Variants in PTPRD observed in about 807,000 individuals in gnomAD.
PTPRD encodes receptor-type tyrosine-protein phosphatase delta.
Under a neutral mutation model 214.5 loss-of-function variants are expected in PTPRD, and 34 were observed. That is an observed-to-expected ratio of 0.16 (90% confidence interval 0.12 to 0.21). The LOEUF is 0.21. Ranked by LOEUF, PTPRD falls within the 10% of genes least tolerant of loss-of-function variation. The pLI is 1.00. For missense variants in PTPRD, 2,545 were observed against 2,398.7 expected (o/e 1.06, Z -1.27); for synonymous variants, 1,128 against 845.7 (o/e 1.33, Z -5.79).
intron 4 of PTPRD, among the ~76,000 whole-genome samples, chr9:10,026,232 C>T (rs2096920734): frequency 1.3e-5 from 2 of 152,084 alleles, no homozygotes; most frequent in Admixed American, 1.3e-4. Flanking sequence ...CTGCCTTTGG[C>T]TAGCTGGAGG....
intron 2 of PTPRD, among the ~76,000 whole-genome samples, chr9:10,583,990 G>A (rs1015969673): frequency 1.3e-5 from 2 of 152,058 alleles, no homozygotes; most frequent in Non-Finnish European, 2.9e-5. Flanking sequence ...TAACAATTCT[G>A]AGCATTGCCA....
Position 8,842,205 on chromosome 9 carries a change from GTGAA to G in PTPRD, c.-103-108263_-103-108260del, listed in dbSNP as rs201127477. On this transcript the variant is annotated intron_variant, in intron 11 of 45. Transcript: ENST00000381196. The stretch of plus-strand genomic sequence containing the variant: ...GTAGGAGGTGACAGAAATTTATAAT[GTGAA>G]AGAAAAAGAGAAAGGCATTTGGAAA... Among the ~76,000 whole-genome samples, 466 of 152,214 alleles carry G rather than the reference GTGAA, an allele frequency of 3.1e-3. 12 individuals are homozygous for G. In the East Asian group the frequency reaches 0.073, roughly 24 times the overall value.
At chr9:10,364,265 T>C (rs1013323499) in intron 2 of PTPRD, among the ~76,000 whole-genome samples, 1 of 152,076 alleles carries the variant, frequency 6.6e-6, no homozygotes, top group Non-Finnish European at 1.5e-5. Context: ...CCTCCCAAAG[T>C]GCTGGGATTA....
At chr9:8,369,341 T>G (rs569290031) in intron 39 of PTPRD, among the ~76,000 whole-genome samples, 1 of 152,200 alleles carries the variant, frequency 6.6e-6, no homozygotes, top group South Asian at 2.1e-4. Context: ...GGCTTAGGGG[T>G]ACATGGTTAT....
intron 19 of PTPRD, 75 bp from the exon 20 acceptor site, chr9:8,521,621 C>T (rs1020176557): frequency 8.3e-5 from 124 of 1,493,596 alleles, no homozygotes; most frequent in Non-Finnish European, 1.0e-4. Context: ...ATGACATGCA[C>T]CGTACAGACA....
intron 36 of PTPRD, among the ~76,000 whole-genome samples, chr9:8,394,769 G>A (rs2135939974): frequency 6.6e-6 from 1 of 152,256 alleles, no homozygotes; most frequent in African/African-American, 2.4e-5. Context: ...GCTCTTTCAA[G>A]CTGATTCCTA....
intron 9 of PTPRD, among the ~76,000 whole-genome samples, chr9:9,204,263 G>A: frequency 6.6e-6 from 1 of 152,180 alleles, no homozygotes; most frequent in Non-Finnish European, 1.5e-5. Context: ...TGTTTCATTA[G>A]CGAATATGTC....
intron 2 of PTPRD, among the ~76,000 whole-genome samples, chr9:10,512,858 T>C (rs1438538124): frequency 6.6e-6 from 1 of 151,880 alleles, no homozygotes; most frequent in African/African-American, 2.4e-5. Flanking sequence ...ATCTTTTTAT[T>C]GCACTGGAGT....
intron 2 of PTPRD, among the ~76,000 whole-genome samples, chr9:10,374,278 T>C (rs2097686174): frequency 6.6e-6 from 1 of 152,058 alleles, no homozygotes; most frequent in Admixed American, 6.6e-5. Context: ...GAAGTTTGAA[T>C]TTGCAGGCAG....
intron 14 of PTPRD, among the ~76,000 whole-genome samples, chr9:8,616,166 C>G (rs1352777344): frequency 1.3e-5 from 2 of 152,110 alleles, no homozygotes; most frequent in Non-Finnish European, 2.9e-5. Flanking sequence ...TCCTGACTTT[C>G]TAACCACATG....
At chr9:10,550,966 C>T (rs557054881) in intron 2 of PTPRD, among the ~76,000 whole-genome samples, 13 of 152,316 alleles carry the variant, frequency 8.5e-5, no homozygotes, top group African/African-American at 3.1e-4. Context: ...ACACACATTT[C>T]TAAACTTGCC....
intron 14 of PTPRD, among the ~76,000 whole-genome samples, chr9:8,531,335 T>C (rs776482049): frequency 2.0e-5 from 3 of 152,126 alleles, no homozygotes; most frequent in Non-Finnish European, 4.4e-5. Flanking sequence ...TTAAAGGTTT[T>C]GCCAATATAT....
intron 9 of PTPRD, among the ~76,000 whole-genome samples, chr9:9,359,037 C>A (rs997432284): frequency 6.6e-6 from 1 of 151,278 alleles, no homozygotes; most frequent in African/African-American, 2.4e-5. Context: ...AATTATGAAG[C>A]AGAACAGCTA....
intron 8 of PTPRD, among the ~76,000 whole-genome samples, chr9:9,560,664 G>A (rs143108350): frequency 2.0e-5 from 3 of 152,296 alleles, no homozygotes; most frequent in South Asian, 2.1e-4. Flanking sequence ...CCTAGGGTCC[G>A]GTTCCAGCCC....
At chr9:8,337,437 C>T (rs1391761160) in intron 43 of PTPRD, among the ~76,000 whole-genome samples, 2 of 151,338 alleles carry the variant, frequency 1.3e-5, no homozygotes, top group East Asian at 1.9e-4. Context: ...ACATCACACA[C>T]TGGGGCCTGT....
intron 8 of PTPRD, among the ~76,000 whole-genome samples, chr9:9,540,251 A>C (rs1208948720): frequency 8.0e-6 from 1 of 125,670 alleles, no homozygotes; most frequent in African/African-American, 3.0e-5. Flanking sequence ...ACAGTCATTC[A>C]TTTAACACAT....
chr9:8,486,500 T>C (rs1215769706), intron 27 of PTPRD, 151 bp from the exon 28 acceptor site: 1 of 768,524 alleles, frequency 1.3e-6, no homozygotes, highest in South Asian at 1.4e-5. Context: ...CTACATACCT[T>C]TGTGGAAATA....
At chr9:8,776,398 G>T (rs1240493275) in intron 11 of PTPRD, among the ~76,000 whole-genome samples, 2 of 152,108 alleles carry the variant, frequency 1.3e-5, no homozygotes, top group African/African-American at 4.8e-5. Flanking sequence ...GATCTTCCAG[G>T]GTCAGGTGAT....
chr9:9,332,143 C>G (rs998018787), intron 9 of PTPRD, among the ~76,000 whole-genome samples: 3 of 151,970 alleles, frequency 2.0e-5, no homozygotes, highest in Admixed American at 6.6e-5. Flanking sequence ...GCTAAAAATA[C>G]CAAATTGTAA....
Sources: gnomAD v4.1 joint callset for allele counts (sites outside exome capture counted in the v4.1 genomes callset) on GRCh38, gnomAD v4.1.1 for gene constraint, MANE v1.5 for transcripts, NCBI Gene and HGNC (gene_info 2026-07-23, HGNC 2026-07-21) for gene names.